MAPK14: variants seen among roughly 807,000 people sequenced by gnomAD.
MAPK14 encodes CSAID-binding protein.
MAPK14 carries 16 observed loss-of-function variants against 49.6 expected under a neutral mutation model. The observed-to-expected ratio is 0.32, with a 90% CI of 0.22 to 0.49. MAPK14 has a LOEUF of 0.49. Among genes scored for constraint, MAPK14 ranks in the 20% least tolerant of loss-of-function variants. The pLI is 0.99. For synonymous variants in MAPK14, 142 were observed against 158.0 expected, an observed-to-expected ratio of 0.90 and a Z score of 0.76; for missense variants, 200 against 441.2, an observed-to-expected ratio of 0.45 and a Z score of 4.90.
At chr6:36,101,280 A>C (rs1765626213) in intron 9 of MAPK14, among the ~76,000 whole-genome samples, 1 of 152,028 alleles carries the variant, frequency 6.6e-6, no homozygotes, top group South Asian at 2.1e-4. Flanking sequence ...GCTCTACAAA[A>C]AAATTTAAAA....
chr6:36,073,661 AG>A (rs776785042), intron 4 of MAPK14, 29 bp from the exon 5 acceptor site: 1 of 1,587,186 alleles, frequency 6.3e-7, no homozygotes, highest in Non-Finnish European at 8.6e-7. Flanking sequence ...AGAAGGTTGG[AG>A]GTAACTTTGA....
At chr6:36,099,417 C>G (rs1562151062) in intron 9 of MAPK14, among the ~76,000 whole-genome samples, 1 of 152,084 alleles carries the variant, frequency 6.6e-6, no homozygotes, top group African/African-American at 2.4e-5. Flanking sequence ...ATAGTTCTGC[C>G]CTTATCAGAT....
At chr6:36,053,562 C>A (rs924873005) in intron 2 of MAPK14, among the ~76,000 whole-genome samples, 8 of 152,074 alleles carry the variant, frequency 5.3e-5, no homozygotes, top group African/African-American at 1.9e-4. Context: ...TACTGAATTT[C>A]AAAATCAAGT....
intron 1 of MAPK14, among the ~76,000 whole-genome samples, chr6:36,034,980 C>G (rs146269924): frequency 0.12 from 17,981 of 149,754 alleles, 1,202 homozygotes; most frequent in African/African-American, 0.18. Context: ...CTCACTGCAA[C>G]CTCCGCCTTC....
chr6:36,098,355 A>G (rs1765518204), intron 9 of MAPK14, among the ~76,000 whole-genome samples: 1 of 152,180 alleles, frequency 6.6e-6, no homozygotes, highest in Non-Finnish European at 1.5e-5. Flanking sequence ...ATAATCAGTG[A>G]AAGAACAAGA....
chr6:36,116,338 T>G, the MAPK14 span, among the ~76,000 whole-genome samples: 3 of 151,684 alleles, frequency 2.0e-5, no homozygotes, highest in African/African-American at 7.3e-5. Context: ...ACAATTAGAA[T>G]CTTTTTTTTT....
intron 3 of MAPK14, among the ~76,000 whole-genome samples, chr6:36,065,701 T>C (rs942671942): frequency 1.3e-5 from 2 of 152,120 alleles, no homozygotes; most frequent in South Asian, 4.1e-4. Context: ...GGAAAAAGGA[T>C]GAAAGGTTTT....
chr6:36,081,796 A>G (rs368266229), intron 8 of MAPK14, among the ~76,000 whole-genome samples: 4 of 152,166 alleles, frequency 2.6e-5, no homozygotes, highest in African/African-American at 9.7e-5. Context: ...TAGAATTTTG[A>G]TAGGGATTGT....
intron 10 of MAPK14, among the ~76,000 whole-genome samples, chr6:36,106,407 A>G (rs1765799242): frequency 6.6e-6 from 1 of 152,076 alleles, no homozygotes; most frequent in African/African-American, 2.4e-5. Context: ...GAGAGACTAA[A>G]GAAAACCAGT....
At chr6:36,071,766 G>A (rs75506619) in intron 3 of MAPK14, among the ~76,000 whole-genome samples, 3 of 152,214 alleles carry the variant, frequency 2.0e-5, no homozygotes, top group Non-Finnish European at 4.4e-5. Flanking sequence ...TAGCCATGCA[G>A]TAAGTTATAC....
chr6:36,045,360 A>G (rs1354371259), intron 1 of MAPK14, among the ~76,000 whole-genome samples: 3 of 152,290 alleles, frequency 2.0e-5, no homozygotes, highest in Admixed American at 2.0e-4. Context: ...GGTTTATTAC[A>G]GGAATAATTA....
rs1262338051 is a variant in MAPK14, at chr6:36,109,861, A to G, written c.*1414A>G. The G allele has an allele frequency of 6.6e-6, 1 of 152,650 alleles. No individual in the cohort carries two copies. Among genetic ancestry groups the G allele is most frequent in the Non-Finnish European group, 1.5e-5 (1 of 68,030 alleles). 9.5% of individuals were successfully genotyped at this position (152,650 alleles called of 1,614,324 possible). On this transcript the variant is annotated 3_prime_UTR_variant, in exon 12 of 12. Transcript: ENST00000229794. Reference sequence around the variant, plus strand: ...ATTACTTTAAAATAAAAAAGTAACAAGGTGTCTTTTCCACTCCTATGGAAA... The same window carrying G: ...ATTACTTTAAAATAAAAAAGTAACAGGGTGTCTTTTCCACTCCTATGGAAA...
intron 1 of MAPK14, among the ~76,000 whole-genome samples, chr6:36,050,880 GGTT>G (rs1763369287): frequency 6.6e-6 from 1 of 152,134 alleles, no homozygotes; most frequent in South Asian, 2.1e-4. Flanking sequence ...TCAGAAAAGA[GGTT>G]GAAGATTTAT....
At chr6:36,079,487 G>A (rs1006396233) in intron 8 of MAPK14, among the ~76,000 whole-genome samples, 3 of 151,746 alleles carry the variant, frequency 2.0e-5, no homozygotes, top group African/African-American at 4.8e-5. Flanking sequence ...AATGATAGCC[G>A]ATGAACTTAA....
At chr6:36,091,687 G>T (rs1581831469) in intron 8 of MAPK14, among the ~76,000 whole-genome samples, 2 of 152,110 alleles carry the variant, frequency 1.3e-5, no homozygotes, top group East Asian at 3.9e-4. Flanking sequence ...TCTGAGGTTT[G>T]CATGTTTTAA....
intron 1 of MAPK14, among the ~76,000 whole-genome samples, chr6:36,045,808 CAAAAAAAAAAAAA>C (rs371920281): frequency 1.3e-4 from 6 of 46,404 alleles, no homozygotes; most frequent in African/African-American, 2.2e-4. Flanking sequence ...GACTCTGTCT[CAAAAAAAAAAAAA>C]AAAAAAAAAA....
chr6:36,087,150 A>G (rs1765018351), intron 8 of MAPK14, among the ~76,000 whole-genome samples: 1 of 152,200 alleles, frequency 6.6e-6, no homozygotes, highest in Non-Finnish European at 1.5e-5. Flanking sequence ...ATACCTCAAA[A>G]TAAGCCATGT....
At chr6:36,062,641 T>G (rs980216704) in intron 3 of MAPK14, among the ~76,000 whole-genome samples, 16 of 150,364 alleles carry the variant, frequency 1.1e-4, no homozygotes, top group Admixed American at 9.4e-4. Context: ...ATTTATAGTT[T>G]TTTTTTTTTC....
intron 4 of MAPK14, 43 bp from the exon 5 acceptor site, chr6:36,073,648 A>T: frequency 6.6e-7 from 1 of 1,513,572 alleles, no homozygotes; most frequent in Non-Finnish European, 9.1e-7. Context: ...ATAATATGAC[A>T]ATAGAAGGTT....
Sources: gnomAD v4.1 joint callset for allele counts (sites outside exome capture counted in the v4.1 genomes callset) on GRCh38, gnomAD v4.1.1 for gene constraint, MANE v1.5 for transcripts, NCBI Gene and HGNC (gene_info 2026-07-23, HGNC 2026-07-21) for gene names.